ADAT3: variants seen among roughly 807,000 people sequenced by gnomAD.
The protein encoded by ADAT3 is tRNA-specific adenosine-34 deaminase regulatory subunit ADAT3.
ADAT3 carries 2 observed loss-of-function variants against 3.5 expected under a neutral mutation model. The ratio of observed to expected loss-of-function variants is 0.57; its 90% CI spans 0.23 to 1.79. The LOEUF (loss-of-function observed/expected upper bound fraction) is 1.79. Ranked by LOEUF, ADAT3 falls within the 40% of genes most tolerant of loss-of-function variation. The pLI is 0.18. For missense variants in ADAT3, 735 were observed against 571.4 expected (o/e 1.29, Z -2.92); for synonymous variants, 358 against 270.3 (o/e 1.32, Z -3.18).
In ADAT3 at chr19:1,908,863, G is replaced by T. The variant is rs1415454266; in HGVS notation, c.-158-3027G>T. Reference sequence around the variant, plus strand: ...TCACACCTGTAATCCCAGCACTTTGGGAGGCTGAGGCAGGTGGATCACCTG... The same window carrying T: ...TCACACCTGTAATCCCAGCACTTTGTGAGGCTGAGGCAGGTGGATCACCTG... On this transcript the variant is annotated intron_variant, in intron 1 of 1. Transcript: ENST00000329478. The surrounding 1 kb of genome is among the most constrained non-coding windows in gnomAD (Gnocchi z 4.2). Among the ~76,000 whole-genome samples, 1 of 151,374 alleles carries T rather than the reference G, an allele frequency of 6.6e-6. No homozygotes were observed. Among genetic ancestry groups the T allele is most frequent in the Non-Finnish European group, 1.5e-5 (1 of 67,850 alleles).
In ADAT3 at chr19:1,913,277, C is replaced by T. The variant is rs571040580; in HGVS notation, c.*126C>T. 7.5e-6 allele frequency: 10 copies of T among 1,329,626 alleles called. No homozygotes were observed. In the African/African-American group the frequency reaches 1.0e-4, roughly 14 times the overall value. 82.4% of individuals were successfully genotyped at this position (1,329,626 alleles called of 1,614,324 possible). A position where few individuals can be genotyped will look rare whatever the true frequency, so the allele number is the denominator to read the frequency against. ...TTTCAGGGACACATACCGCCTCCAG[C>T]GGGGAGCACGGGTGCTGCCTTCCGT... On this transcript the variant is annotated 3_prime_UTR_variant, in exon 2 of 2. Coordinates refer to ENST00000329478, the MANE Select transcript of ADAT3 (RefSeq NM_138422.4).
rs373435718 is a variant in ADAT3 at position 1,912,917 on chromosome 19, C to T, written c.870C>T (p.Gly290=). The T allele has an allele frequency of 1.2e-5, 19 of 1,609,640 alleles. No homozygotes were observed. Among genetic ancestry groups the T allele is most frequent in the South Asian group, 3.3e-5 (3 of 91,078 alleles). The stretch of plus-strand genomic sequence containing the variant: ...GTAAACTGGACGCAGACGAGGACGG[C>T]CTCCCCTACCTGTGCACTGGCTACG... ...AVRKLDADED[G]LPYLCTGYDL... The change falls in exon 2 of 2, where the codon GGC becomes GGT. Residue 290 remains glycine (G), a synonymous_variant. Transcript: ENST00000329478.
chr19:1,912,362 C>T lies in ADAT3; in HGVS notation c.315C>T (p.Ala105=). 6.5e-7 allele frequency: 1 copy of T among 1,528,026 alleles called. No homozygotes were observed. Among genetic ancestry groups the T allele is most frequent in the Non-Finnish European group, 8.7e-7 (1 of 1,145,152 alleles). 94.7% of individuals were successfully genotyped at this position (1,528,026 alleles called of 1,614,324 possible). Residue 105 remains alanine (A), a synonymous_variant, in exon 2 of 2, where the codon GCC becomes GCT. Coordinates refer to ENST00000329478, the MANE Select transcript of ADAT3 (RefSeq NM_138422.4). Reference sequence around the variant, plus strand: ...GCCGCGATGCCGGCAGCCCCCACGCCCTGGAGATGCTGCTTTGCCTGGCTG... The same window carrying T: ...GCCGCGATGCCGGCAGCCCCCACGCTCTGGAGATGCTGCTTTGCCTGGCTG... The part of the protein sequence containing the change: ...RPSRDAGSPH[A]LEMLLCLAGP...
rs2013602375 is a variant in ADAT3 at position 1,913,335 on chromosome 19, G to A, written c.*184G>A. ...GAGCTTTCCTGGACTCGGTCATTGG[G>A]GCCACCCCGTGCCAGCGGTGCCCTT... is the stretch of plus-strand genomic sequence containing the variant. On this transcript the variant is annotated 3_prime_UTR_variant, in exon 2 of 2. Coordinates refer to ENST00000329478, the MANE Select transcript of ADAT3 (RefSeq NM_138422.4). 6 of 911,664 alleles carry A rather than the reference G, an allele frequency of 6.6e-6. No homozygotes were observed. The highest frequency in any genetic ancestry group is 9.7e-6 in the Non-Finnish European group (6 of 617,940). The allele number at this position is 911,664 out of a possible 1,614,324, so 56.5% of individuals were successfully genotyped here.
chr19:1,908,076 T>A lies in ADAT3; in HGVS notation c.-159+2637T>A, dbSNP rs1005450163. 2 of 173,322 alleles carry A rather than the reference T, an allele frequency of 1.2e-5. No homozygotes were observed. The highest frequency in any genetic ancestry group is 2.4e-5 in the African/African-American group (1 of 41,508). The allele number at this position is 173,322 out of a possible 1,614,324, so 10.7% of individuals were successfully genotyped here. ...GGAGGGACAAGCGAGGCTGTGTTTG[T>A]CTTTTACCCTGGAGACAGTGGAGTG... is the stretch of plus-strand genomic sequence containing the variant. On this transcript the variant is annotated intron_variant, in intron 1 of 1. Transcript: ENST00000329478. The surrounding 1 kb of genome is among the most constrained non-coding windows in gnomAD (Gnocchi z 4.2).
chr19:1,912,242 C>T lies in ADAT3; in HGVS notation c.195C>T (p.Pro65=), dbSNP rs1402664883. ...AGCTGGTGCTGGCCTACGCCGCGCC[C>T]GTCCTGGACAAGCGCCAGACCTCAC... ...DVELVLAYAA[P]VLDKRQTSRL... Residue 65 remains proline (P), a synonymous_variant, in exon 2 of 2, where the codon CCC becomes CCT. Transcript: ENST00000329478. 5.0e-6 allele frequency: 8 copies of T among 1,596,778 alleles called. No individual in the cohort carries two copies. Among genetic ancestry groups the T allele is most frequent in the Non-Finnish European group, 6.8e-6 (8 of 1,174,466 alleles).
chr19:1,908,482 G>C lies in ADAT3; in HGVS notation c.-159+3043G>C, dbSNP rs1353128981. On this transcript the variant is annotated intron_variant, in intron 1 of 1. Coordinates refer to ENST00000329478, the MANE Select transcript of ADAT3 (RefSeq NM_138422.4). The surrounding 1 kb of genome is among the most constrained non-coding windows in gnomAD (Gnocchi z 4.2). ...CGAAATGATCCAGAGACACATCCCTGTCTGCGGGAGGAGCCGTCCATACCA... is the reference window on the plus strand; with the variant it reads ...CGAAATGATCCAGAGACACATCCCTCTCTGCGGGAGGAGCCGTCCATACCA... 2.1e-6 allele frequency: 1 copy of C among 470,924 alleles called. No homozygotes were observed. Among genetic ancestry groups the C allele is most frequent in the African/African-American group, 2.0e-5 (1 of 50,076 alleles). The allele number at this position is 470,924 out of a possible 1,614,324, so 29.2% of individuals were successfully genotyped here.
chr19:1,911,976 G>C lies in ADAT3; in HGVS notation c.-72G>C, dbSNP rs2013474636. 1 of 1,408,238 alleles carries C rather than the reference G, an allele frequency of 7.1e-7. No homozygotes were observed. The highest frequency in any genetic ancestry group is 1.6e-5 in the South Asian group (1 of 64,218). The allele number at this position is 1,408,238 out of a possible 1,614,324, so 87.2% of individuals were successfully genotyped here. ...CTAGCCTCAGCTTTGGTGGCAGCACGCCCTGCCTTGTGGAGCCACGGCCTC... is the reference window on the plus strand; with the variant it reads ...CTAGCCTCAGCTTTGGTGGCAGCACCCCCTGCCTTGTGGAGCCACGGCCTC... On this transcript the variant is annotated 5_prime_UTR_variant, in exon 2 of 2. Coordinates refer to ENST00000329478, the MANE Select transcript of ADAT3 (RefSeq NM_138422.4).
chr19:1,910,910 A>C (rs1412228387), intron 1 of ADAT3, among the ~76,000 whole-genome samples: 1 of 150,682 alleles, frequency 6.6e-6, no homozygotes, highest in South Asian at 2.1e-4. Flanking sequence ...CGCTGTTACC[A>C]GGCTGGAGTG....
chr19:1,907,085 G>T (rs1053056382), intron 1 of ADAT3: 2 of 151,338 alleles, frequency 1.3e-5, no homozygotes, highest in Admixed American at 1.3e-4. Flanking sequence ...TGCTTGGGAG[G>T]CTAAGGCAGG....
chr19:1,911,288 C>G (rs2013432571), intron 1 of ADAT3, among the ~76,000 whole-genome samples: 1 of 152,068 alleles, frequency 6.6e-6, no homozygotes, highest in South Asian at 2.1e-4. Context: ...CCTCCTGTTT[C>G]AGCTTCTCGA....
chr19:1,909,414 C>G (rs1028908774), intron 1 of ADAT3, among the ~76,000 whole-genome samples: 1 of 152,230 alleles, frequency 6.6e-6, no homozygotes, highest in Non-Finnish European at 1.5e-5. Flanking sequence ...ACCAGCCCTT[C>G]CTCTCCAGTG....
intron 1 of ADAT3, among the ~76,000 whole-genome samples, chr19:1,910,212 T>G (rs2013367453): frequency 6.6e-6 from 1 of 152,208 alleles, no homozygotes; most frequent in Admixed American, 6.6e-5. Context: ...GCCAGGGCTG[T>G]GTTGTCATCT....
At position 1,912,888 on chromosome 19, in the gene ADAT3, G is replaced by C. The variant is rs781430687; in HGVS notation, c.841G>C (p.Val281Leu). ...CCCCCAGGCCGTCCGCGCAGGCGCCGTGCGTAAACTGGACGCAGACGAGGA... is the reference window on the plus strand; with the variant it reads ...CCCCCAGGCCGTCCGCGCAGGCGCCCTGCGTAAACTGGACGCAGACGAGGA... ...AAPQAVRAGA[V>L]RKLDADEDGL... Residue 281 changes from valine to leucine, a missense_variant, in exon 2 of 2, where the codon GTG becomes CTG. Val to Leu is a conservative substitution (Grantham distance 32). Coordinates refer to ENST00000329478, the MANE Select transcript of ADAT3 (RefSeq NM_138422.4). 5 of 1,606,450 alleles carry C rather than the reference G, an allele frequency of 3.1e-6. No individual in the cohort carries two copies. Among genetic ancestry groups the C allele is most frequent in the Non-Finnish European group, 4.2e-6 (5 of 1,179,106 alleles).
chr19:1,908,267 G>A lies in ADAT3; in HGVS notation c.-159+2828G>A. 3.5e-6 allele frequency: 1 copy of A among 283,562 alleles called. No homozygotes were observed. The highest frequency in any genetic ancestry group is 7.0e-6 in the Non-Finnish European group (1 of 142,210). 17.6% of individuals were successfully genotyped at this position (283,562 alleles called of 1,614,324 possible). ...GCGCTTCCTGCTCCCGGCTCCCACT[G>A]CATCTCCGGTTCTGTGCTTTGTTGA... On this transcript the variant is annotated intron_variant, in intron 1 of 1. Transcript: ENST00000329478. The surrounding 1 kb of genome is among the most constrained non-coding windows in gnomAD (Gnocchi z 4.2).
In ADAT3 at chr19:1,912,644, G is replaced by T; in HGVS notation, c.597G>T (p.Ala199=). ...MQSHMERAVW[A]ARRAAARGLR... Reference sequence around the variant, plus strand: ...GCCACATGGAGCGGGCGGTGTGGGCGGCCCGGCGGGCAGCAGCGCGGGGCT... The same window carrying T: ...GCCACATGGAGCGGGCGGTGTGGGCTGCCCGGCGGGCAGCAGCGCGGGGCT... Residue 199 remains alanine (A), a synonymous_variant, in exon 2 of 2, where the codon GCG becomes GCT. Coordinates refer to ENST00000329478, the MANE Select transcript of ADAT3 (RefSeq NM_138422.4). The T allele has an allele frequency of 7.0e-7, 1 of 1,423,964 alleles. No homozygotes were observed. The highest frequency in any genetic ancestry group is 1.5e-5 in the African/African-American group (1 of 66,154). 88.2% of individuals were successfully genotyped at this position (1,423,964 alleles called of 1,614,324 possible). A position where few individuals can be genotyped will look rare whatever the true frequency, so the allele number is the denominator to read the frequency against.
chr19:1,912,225 C>T lies in ADAT3; in HGVS notation c.178C>T (p.Leu60=). ...GCAGTCAGGGGACGTGGAGCTGGTG[C>T]TGGCCTACGCCGCGCCCGTCCTGGA... is the stretch of plus-strand genomic sequence containing the variant. The part of the protein sequence containing the change: ...EKQSGDVELV[L]AYAAPVLDKR... Residue 60 remains leucine (L), a synonymous_variant, in exon 2 of 2, where the codon CTG becomes TTG. Coordinates refer to ENST00000329478, the MANE Select transcript of ADAT3 (RefSeq NM_138422.4). 1 of 1,595,306 alleles carries T rather than the reference C, an allele frequency of 6.3e-7. No homozygotes were observed.
In ADAT3 at chr19:1,912,150, C is replaced by T. The variant is rs2013489763; in HGVS notation, c.103C>T (p.Pro35Ser). ...GCCCAAGTGCTTGGAGGCCGGGAGC[C>T]CGGAGCCTGAGCCGGCGCCGTGGCA... ...EQPKCLEAGS[P>S]EPEPAPWQAL... Residue 35 changes from proline to serine, a missense_variant, in exon 2 of 2, where the codon CCG becomes TCG. Transcript: ENST00000329478. The T allele has an allele frequency of 1.9e-6, 3 of 1,566,556 alleles. No individual in the cohort carries two copies. Among genetic ancestry groups the T allele is most frequent in the Non-Finnish European group, 2.6e-6 (3 of 1,161,356 alleles).
rs1160879748 is a variant in ADAT3, at chr19:1,908,489, G to T, written c.-159+3050G>T. On this transcript the variant is annotated intron_variant, in intron 1 of 1. Transcript: ENST00000329478. This position sits in a 1 kb window ranked among gnomAD's most constrained non-coding sequence, Gnocchi z 4.2. ...ATCCAGAGACACATCCCTGTCTGCG[G>T]GAGGAGCCGTCCATACCAGCGGGGA... 2 of 470,894 alleles carry T rather than the reference G, an allele frequency of 4.2e-6. No homozygotes were observed. Among genetic ancestry groups the T allele is most frequent in the African/African-American group, 4.0e-5 (2 of 50,080 alleles). The allele number at this position is 470,894 out of a possible 1,614,324, so 29.2% of individuals were successfully genotyped here. A position where few individuals can be genotyped will look rare whatever the true frequency, so the allele number is the denominator to read the frequency against.
Sources: gnomAD v4.1 joint callset for allele counts (sites outside exome capture counted in the v4.1 genomes callset) on GRCh38, gnomAD v4.1.1 for gene constraint, Gnocchi (gnomAD v3.1) non-coding constraint, MANE v1.5 for transcripts, NCBI Gene and HGNC (gene_info 2026-07-23, HGNC 2026-07-21) for gene names.